KCNH8: variants seen among roughly 807,000 people sequenced by gnomAD.
The protein encoded by KCNH8 is potassium voltage-gated channel subfamily H member 8.
In KCNH8, 70 loss-of-function variants were observed where a neutral mutation model predicts 103.6. The ratio of observed to expected loss-of-function variants is 0.68; its 90% CI spans 0.56 to 0.82. KCNH8 has a LOEUF of 0.82. Among genes scored for constraint, KCNH8 ranks in the 40% least tolerant of loss-of-function variants. The pLI, the probability that KCNH8 is intolerant of heterozygous loss-of-function variation, is 0.00. For synonymous variants in KCNH8, 498 were observed against 489.4 expected, an observed-to-expected ratio of 1.02 and a Z score of -0.23; for missense variants, 1,217 against 1,329.9, an observed-to-expected ratio of 0.92 and a Z score of 1.32.
intron 5 of KCNH8, among the ~76,000 whole-genome samples, chr3:19,361,159 A>C (rs770926959): frequency 1.3e-5 from 2 of 152,140 alleles, no homozygotes; most frequent in East Asian, 1.9e-4. Flanking sequence ...AAAATAAATA[A>C]ATAATAACAG....
At chr3:19,530,633 A>T (rs1341332739) in intron 15 of KCNH8, among the ~76,000 whole-genome samples, 4 of 152,186 alleles carry the variant, frequency 2.6e-5, no homozygotes, top group African/African-American at 9.7e-5. Context: ...TCAGTCTCCT[A>T]CATTTTTAGA....
At chr3:19,445,037 A>G (rs1286869342) in intron 8 of KCNH8, among the ~76,000 whole-genome samples, 2 of 151,984 alleles carry the variant, frequency 1.3e-5, no homozygotes, top group African/African-American at 4.8e-5. Flanking sequence ...ACAGATGTCT[A>G]TAAAAGCATT....
At chr3:19,288,155 CCTT>C (rs897374232) in intron 3 of KCNH8, among the ~76,000 whole-genome samples, 1 of 137,552 alleles carries the variant, frequency 7.3e-6, no homozygotes, top group African/African-American at 2.9e-5. Context: ...TCTTTCTAAA[CCTT>C]CTTGCACCGG....
intron 5 of KCNH8, among the ~76,000 whole-genome samples, chr3:19,375,400 G>C (rs1204247893): frequency 6.6e-6 from 1 of 150,824 alleles, no homozygotes; most frequent in Non-Finnish European, 1.5e-5. Flanking sequence ...GATTGCATCG[G>C]CTCCTGAGGC....
chr3:19,210,838 G>A (rs921149222), intron 1 of KCNH8, among the ~76,000 whole-genome samples: 6 of 152,180 alleles, frequency 3.9e-5, no homozygotes, highest in Non-Finnish European at 8.8e-5. Flanking sequence ...CATCTGGGCA[G>A]AGCCCTGTTA....
At chr3:19,498,849 G>C (rs114346059) in intron 11 of KCNH8, among the ~76,000 whole-genome samples, 5,137 of 151,884 alleles carry the variant, frequency 0.034, 144 homozygotes, top group East Asian at 0.14. Context: ...CGTATGAGGT[G>C]TCAGTCTGCC....
chr3:19,342,178 TTACA>T, intron 3 of KCNH8, among the ~76,000 whole-genome samples: 1 of 152,148 alleles, frequency 6.6e-6, no homozygotes. Flanking sequence ...CACTGTAAAC[TTACA>T]TTTATGCAGA....
chr3:19,510,468 GT>G (rs902868369), intron 12 of KCNH8, 67 bp downstream of exon 12: 23 of 980,078 alleles, frequency 2.3e-5, no homozygotes, highest in African/African-American at 4.8e-5. Context: ...AATCTGTCTT[GT>G]CTTTCTCTTC....
chr3:19,486,749 T>G (rs1294786932), intron 11 of KCNH8, among the ~76,000 whole-genome samples: 1 of 152,180 alleles, frequency 6.6e-6, no homozygotes, highest in African/African-American at 2.4e-5. Context: ...GTACAAAGGT[T>G]GGGCTAGTAC....
At chr3:19,453,772 C>T (rs1461696658) in intron 10 of KCNH8, among the ~76,000 whole-genome samples, 2 of 152,128 alleles carry the variant, frequency 1.3e-5, no homozygotes, top group Admixed American at 1.3e-4. Flanking sequence ...GAGCCCTTAC[C>T]AAACACCAGC....
chr3:19,272,400 G>A (rs2064601605), intron 2 of KCNH8, among the ~76,000 whole-genome samples: 1 of 152,064 alleles, frequency 6.6e-6, no homozygotes, highest in African/African-American at 2.4e-5. Flanking sequence ...GAGAGTAGTT[G>A]GCTGATGGCC....
At chr3:19,314,553 GA>G (rs1449485254) in intron 3 of KCNH8, among the ~76,000 whole-genome samples, 2 of 151,842 alleles carry the variant, frequency 1.3e-5, no homozygotes, top group East Asian at 3.9e-4. Context: ...CTGTGCTACA[GA>G]ACAAAACCCT....
intron 5 of KCNH8, among the ~76,000 whole-genome samples, chr3:19,371,930 G>A (rs1312140970): frequency 1.3e-5 from 2 of 150,404 alleles, no homozygotes; most frequent in African/African-American, 4.9e-5. Flanking sequence ...GTAGATATGT[G>A]GCGTTATTTC....
intron 1 of KCNH8, among the ~76,000 whole-genome samples, chr3:19,197,917 C>T (rs1362937077): frequency 2.6e-5 from 4 of 151,912 alleles, no homozygotes; most frequent in South Asian, 4.2e-4. Context: ...AAATCTGATG[C>T]GTAATCACTG....
At chr3:19,457,097 A>T (rs1162980888) in intron 11 of KCNH8, 115 bp downstream of exon 11, 2 of 617,250 alleles carry the variant, frequency 3.2e-6, no homozygotes, top group Admixed American at 3.0e-5. Context: ...AATATCTAAG[A>T]CGTGAATATT....
intron 11 of KCNH8, among the ~76,000 whole-genome samples, chr3:19,497,757 T>C (rs776119580): frequency 7.9e-5 from 12 of 152,192 alleles, no homozygotes; most frequent in Non-Finnish European, 1.6e-4. Flanking sequence ...GACAGATCCA[T>C]TTATTCAAGT....
At chr3:19,264,751 T>G (rs932221566) in intron 2 of KCNH8, among the ~76,000 whole-genome samples, 2 of 152,140 alleles carry the variant, frequency 1.3e-5, no homozygotes, top group African/African-American at 4.8e-5. Flanking sequence ...GGCCAAGCTC[T>G]GTGCTCTGCT....
chr3:19,397,208 T>C (rs1358772111), intron 7 of KCNH8, among the ~76,000 whole-genome samples: 1 of 151,890 alleles, frequency 6.6e-6, no homozygotes, highest in African/African-American at 2.4e-5. Flanking sequence ...TATGGTTCAA[T>C]GTAATGAGTA....
intron 1 of KCNH8, 97 bp from the exon 2 acceptor site, chr3:19,253,557 G>A: frequency 1.0e-6 from 1 of 961,660 alleles, no homozygotes. Flanking sequence ...CCTTTTGGCA[G>A]CTAGCTAAAC....
Sources: allele counts gnomAD v4.1 joint callset (sites outside exome capture counted in the v4.1 genomes callset), GRCh38; gene constraint gnomAD v4.1.1; transcripts MANE v1.5; gene names NCBI Gene and HGNC (gene_info 2026-07-23, HGNC 2026-07-21).